The following ANXA4 variants were observed in gnomAD, a reference collection of about 807,000 sequenced individuals.
ANXA4 encodes 35-beta calcimedin.
ANXA4 carries 39 observed loss-of-function variants against 49.8 expected under a neutral mutation model. The ratio of observed to expected loss-of-function variants is 0.78; its 90% CI spans 0.61 to 1.02. The LOEUF (loss-of-function observed/expected upper bound fraction) is 1.02. ANXA4 is among the 50% of genes least tolerant of loss of function. The pLI, the probability that ANXA4 is intolerant of heterozygous loss-of-function variation, is 0.00. For synonymous variants in ANXA4, 134 were observed against 152.5 expected (o/e 0.88, Z 0.89); for missense variants, 360 against 410.1 (o/e 0.88, Z 1.05).
At chr2:69,795,222 A>C (rs1404321574) in intron 3 of ANXA4, among the ~76,000 whole-genome samples, 2 of 152,122 alleles carry the variant, frequency 1.3e-5, no homozygotes, top group African/African-American at 4.8e-5. Flanking sequence ...TGCTTGTCCA[A>C]ATGAGTGAGG....
At chr2:69,656,220 T>G (rs531458992) in intron 2 of ANXA4, among the ~76,000 whole-genome samples, 16 of 136,368 alleles carry the variant, frequency 1.2e-4, no homozygotes, top group Non-Finnish European at 2.3e-4. Context: ...CACATATATA[T>G]GTATATATGT....
chr2:69,754,798 C>T (rs968431383), intron 1 of ANXA4, among the ~76,000 whole-genome samples: 2 of 152,178 alleles, frequency 1.3e-5, no homozygotes, highest in Non-Finnish European at 2.9e-5. Context: ...TTCTTTTATG[C>T]TCCCTCCTAA....
intron 2 of ANXA4, among the ~76,000 whole-genome samples, chr2:69,668,319 A>C (rs945509908): frequency 6.6e-6 from 1 of 152,190 alleles, no homozygotes; most frequent in South Asian, 2.1e-4. Context: ...AATGAAGACA[A>C]AGAAGTATGA....
chr2:69,816,325 C>G, intron 9 of ANXA4, 131 bp downstream of exon 9: 1 of 682,752 alleles, frequency 1.5e-6, no homozygotes, highest in Admixed American at 2.6e-5. Context: ...GTCTTAGATT[C>G]TCACCCTGGA....
At chr2:69,750,769 A>G (rs903598628) in intron 1 of ANXA4, among the ~76,000 whole-genome samples, 17 of 152,328 alleles carry the variant, frequency 1.1e-4, no homozygotes, top group Admixed American at 9.1e-4. Flanking sequence ...CTGCAGAAGC[A>G]GAGAGAGGAG....
intron 1 of ANXA4, among the ~76,000 whole-genome samples, chr2:69,743,988 A>G (rs780574047): frequency 2.0e-5 from 3 of 152,032 alleles, no homozygotes; most frequent in Non-Finnish European, 4.4e-5. Context: ...GAGCTCATTT[A>G]TTATCTGCTT....
At chr2:69,747,658 G>T (rs932830952) in intron 1 of ANXA4, among the ~76,000 whole-genome samples, 3 of 152,162 alleles carry the variant, frequency 2.0e-5, no homozygotes, top group Non-Finnish European at 4.4e-5. Context: ...AATGTGTAAT[G>T]AGTTGCAGTC....
At chr2:69,771,000 G>A (rs1037377007) in intron 1 of ANXA4, among the ~76,000 whole-genome samples, 4 of 150,364 alleles carry the variant, frequency 2.7e-5, no homozygotes, top group South Asian at 2.1e-4. Context: ...AGGCTGAGGC[G>A]GCAGGATCTC....
chr2:69,697,479 T>C (rs759502803), intron 2 of ANXA4, among the ~76,000 whole-genome samples: 1 of 152,254 alleles, frequency 6.6e-6, no homozygotes, highest in Non-Finnish European at 1.5e-5. Flanking sequence ...CTTATCATAC[T>C]TGTGTTCACT....
At chr2:69,786,122 C>T (rs1487567705) in intron 2 of ANXA4, among the ~76,000 whole-genome samples, 2 of 152,156 alleles carry the variant, frequency 1.3e-5, no homozygotes, top group Non-Finnish European at 2.9e-5. Context: ...CAACATAGAA[C>T]GTCTAAATCC....
chr2:69,687,520 A>G (rs981934318), intron 2 of ANXA4, among the ~76,000 whole-genome samples: 3 of 152,012 alleles, frequency 2.0e-5, no homozygotes, highest in African/African-American at 7.2e-5. Flanking sequence ...AAAAAAAAAA[A>G]GATATTTTTG....
chr2:69,657,166 T>A (rs2105316979), intron 2 of ANXA4, among the ~76,000 whole-genome samples: 1 of 152,084 alleles, frequency 6.6e-6, no homozygotes, highest in Middle Eastern at 3.4e-3. Flanking sequence ...AGCTAATTTT[T>A]GTATTTTTAG....
At chr2:69,751,673 T>C (rs1670848243) in intron 1 of ANXA4, among the ~76,000 whole-genome samples, 1 of 152,020 alleles carries the variant, frequency 6.6e-6, no homozygotes, top group African/African-American at 2.4e-5. Flanking sequence ...ATTCTGAGTA[T>C]CTAGGGGATC....
chr2:69,784,055 G>C (rs1421523417), intron 2 of ANXA4, among the ~76,000 whole-genome samples: 1 of 152,040 alleles, frequency 6.6e-6, no homozygotes, highest in Non-Finnish European at 1.5e-5. Flanking sequence ...CATCAATTGT[G>C]ATATGGCACC....
At chr2:69,804,093 G>A (rs151095404) in intron 3 of ANXA4, among the ~76,000 whole-genome samples, 1,532 of 144,604 alleles carry the variant, frequency 0.011, 24 homozygotes, top group African/African-American at 0.039. Flanking sequence ...AGCTGAGATC[G>A]CGCCATTGCA....
chr2:69,794,728 A>G (rs1165245735), intron 3 of ANXA4, among the ~76,000 whole-genome samples: 1 of 152,024 alleles, frequency 6.6e-6, no homozygotes, highest in East Asian at 1.9e-4. Context: ...ATGCCCAGCT[A>G]ATTTTTTTTG....
chr2:69,677,448 T>G (rs1237005100), intron 2 of ANXA4, among the ~76,000 whole-genome samples: 1 of 151,796 alleles, frequency 6.6e-6, no homozygotes, highest in African/African-American at 2.4e-5. Context: ...CAGGCTAGTC[T>G]TGAACTCCTG....
chr2:69,691,450 C>T (rs1240205989), intron 2 of ANXA4, among the ~76,000 whole-genome samples: 1 of 152,014 alleles, frequency 6.6e-6, no homozygotes, highest in East Asian at 1.9e-4. Flanking sequence ...ACGGATGCAC[C>T]TACCACAGTA....
intron 2 of ANXA4, among the ~76,000 whole-genome samples, chr2:69,703,381 C>T (rs1279463169): frequency 1.3e-5 from 2 of 151,940 alleles, no homozygotes; most frequent in Admixed American, 6.6e-5. Context: ...TTCATCACCC[C>T]CAAAAGAAAC....
Sources: allele counts gnomAD v4.1 joint callset (sites outside exome capture counted in the v4.1 genomes callset), GRCh38; gene constraint gnomAD v4.1.1; transcripts MANE v1.5; gene names NCBI Gene and HGNC (gene_info 2026-07-23, HGNC 2026-07-21).